Variants in ATP10A observed in about 807,000 individuals in gnomAD.
ATP10A encodes the protein ATPase phospholipid transporting 10A (putative), also known as phospholipid-transporting ATPase VA.
In ATP10A, 111 loss-of-function variants were observed where a neutral mutation model predicts 147.8. The ratio of observed to expected loss-of-function variants is 0.75; its 90% CI spans 0.64 to 0.88. The LOEUF (loss-of-function observed/expected upper bound fraction) is 0.88, where lower values mean the gene tolerates loss of function less well. ATP10A is among the 40% of genes least tolerant of loss of function. The pLI is 0.00. For synonymous variants in ATP10A, 875 were observed against 841.6 expected (o/e 1.04, Z -0.69); for missense variants, 1,927 against 1,959.0 (o/e 0.98, Z 0.31).
intron 1 of ATP10A, among the ~76,000 whole-genome samples, chr15:25,845,747 C>G (rs981466117): frequency 6.6e-6 from 1 of 152,106 alleles, no homozygotes; most frequent in African/African-American, 2.4e-5. Context: ...TGGGAGGGTC[C>G]CCAGGGTGCA....
At chr15:25,677,472 T>C (rs1327029366), downstream of ATP10A, 3 of 152,066 alleles carry the variant, frequency 2.0e-5, no homozygotes, top group African/African-American at 7.2e-5. Context: ...GGAAAGAAGG[T>C]AGGTTGTCTG....
intron 2 of ATP10A, among the ~76,000 whole-genome samples, chr15:25,768,854 A>G (rs1379940344): frequency 3.3e-5 from 5 of 151,966 alleles, no homozygotes; most frequent in African/African-American, 1.2e-4. Flanking sequence ...TACTGGTGTA[A>G]AACAAGTCTG....
rs138765424 is a variant in ATP10A at position 25,684,488 on chromosome 15, G to A, written c.3292-1002C>T. The stretch of plus-strand genomic sequence containing the variant: ...AGTCCCTGGAGAGCTATAGGTGATC[G>A]CCTACGGTGTATGGTGGTGAGTGGT... On this transcript the variant is annotated intron_variant, in intron 16 of 20. Transcript: ENST00000555815. 3.9e-3 allele frequency among the ~76,000 whole-genome samples: 589 copies of A among 152,312 alleles called. 2 individuals carry two copies. Among genetic ancestry groups the A allele is most frequent in the African/African-American group, 0.013 (553 of 41,568 alleles).
At chr15:25,727,695 G>A (rs1203663254) in intron 3 of ATP10A, among the ~76,000 whole-genome samples, 1 of 152,226 alleles carries the variant, frequency 6.6e-6, no homozygotes, top group African/African-American at 2.4e-5. Context: ...TTCTACAAAA[G>A]GGGACGATAT....
intron 15 of ATP10A, among the ~76,000 whole-genome samples, chr15:25,689,224 A>G (rs1899873365): frequency 6.6e-6 from 1 of 152,212 alleles, no homozygotes; most frequent in South Asian, 2.1e-4. Flanking sequence ...TGGCCTTTCC[A>G]AAGCCTCCCA....
At chr15:25,733,967 A>C (rs1887113534) in intron 3 of ATP10A, among the ~76,000 whole-genome samples, 1 of 152,088 alleles carries the variant, frequency 6.6e-6, no homozygotes, top group Admixed American at 6.5e-5. Flanking sequence ...GATGACACCC[A>C]CTCAAGAGGC....
At chr15:25,853,187 T>C (rs933311359) in intron 1 of ATP10A, among the ~76,000 whole-genome samples, 9 of 152,156 alleles carry the variant, frequency 5.9e-5, no homozygotes, top group African/African-American at 1.9e-4. Flanking sequence ...CAAGTAAACA[T>C]AGAAAGTCAG....
At chr15:25,823,784 A>G (rs1891991447) in intron 1 of ATP10A, among the ~76,000 whole-genome samples, 1 of 152,250 alleles carries the variant, frequency 6.6e-6, no homozygotes, top group African/African-American at 2.4e-5. Flanking sequence ...CCATGTAGTA[A>G]TAAGCAAACT....
rs114009837 is a variant in ATP10A at position 25,719,423 on chromosome 15, C to T, written c.1364-1024G>A. Among the ~76,000 whole-genome samples the T allele has an allele frequency of 4.1e-3, 619 of 152,260 alleles. 7 individuals carry two copies. The highest frequency in any genetic ancestry group is 0.014 in the African/African-American group (596 of 41,538). The stretch of plus-strand genomic sequence containing the variant: ...ATCCTAATTCCAGGAGCAGATGCCC[C>T]GCAAATGCCTCCCCAGCTCTCGGGT... On this transcript the variant is annotated intron_variant, in intron 7 of 20. Coordinates refer to ENST00000555815, the MANE Select transcript of ATP10A (RefSeq NM_024490.4).
intron 2 of ATP10A, among the ~76,000 whole-genome samples, chr15:25,761,679 T>TG: frequency 6.6e-6 from 1 of 152,360 alleles, no homozygotes; most frequent in East Asian, 1.9e-4. Flanking sequence ...ATTTTGGACT[T>TG]GCATGGGGCC....
intron 2 of ATP10A, among the ~76,000 whole-genome samples, chr15:25,748,195 C>T (rs1003503281): frequency 7.2e-5 from 11 of 152,130 alleles, no homozygotes; most frequent in African/African-American, 2.7e-4. Context: ...ATCTCCTGAC[C>T]TCGTGATCTG....
intron 1 of ATP10A, among the ~76,000 whole-genome samples, chr15:25,789,913 T>C (rs1372713878): frequency 6.6e-6 from 1 of 152,150 alleles, no homozygotes. Context: ...AAATGCCTCC[T>C]GGGGGTGCAA....
At chr15:25,770,161 G>T (rs1889259174) in intron 2 of ATP10A, among the ~76,000 whole-genome samples, 1 of 151,064 alleles carries the variant, frequency 6.6e-6, no homozygotes, top group African/African-American at 2.5e-5. Context: ...GGGCGAGGTG[G>T]GGAGGGGCCC....
intron 2 of ATP10A, chr15:25,738,590 C>T (rs943140981): frequency 6.6e-6 from 1 of 152,110 alleles, no homozygotes; most frequent in Admixed American, 6.5e-5. Flanking sequence ...ATGGGAGACA[C>T]AATTTAAACA....
In ATP10A at chr15:25,773,818, C is replaced by CCACACACACA. The variant is rs56751876; in HGVS notation, c.654+7191_654+7200dup. Reference sequence around the variant, plus strand: ...CACACAAACATACACACCTAAACATCCACACACACACACACACACACACAC... The same window carrying CCACACACACA: ...CACACAAACATACACACCTAAACATCCACACACACACACACACACACACACACACACACAC... On this transcript the variant is annotated intron_variant, in intron 2 of 20. Coordinates refer to ENST00000555815, the MANE Select transcript of ATP10A (RefSeq NM_024490.4). 7.3e-5 allele frequency among the ~76,000 whole-genome samples: 10 copies of CCACACACACA among 137,906 alleles called. No individual in the cohort carries two copies. The East Asian group carries it at 1.8e-3, about 25-fold the overall frequency. 90.5% of individuals were successfully genotyped at this position (137,906 alleles called of 152,430 possible).
At chr15:25,787,618 A>AG (rs1890229348) in intron 1 of ATP10A, among the ~76,000 whole-genome samples, 1 of 128,654 alleles carries the variant, frequency 7.8e-6, no homozygotes, top group Admixed American at 7.8e-5. Context: ...TCTTAAAAAA[A>AG]AAAAAAAAAA....
At chr15:25,804,994 G>A (rs936771258) in intron 1 of ATP10A, among the ~76,000 whole-genome samples, 1 of 152,208 alleles carries the variant, frequency 6.6e-6, no homozygotes, top group African/African-American at 2.4e-5. Context: ...CGGGTGTGGA[G>A]GAAAAGGAAA....
Position 25,786,866 on chromosome 15 carries a change from A to T in ATP10A, c.450-5643T>A, listed in dbSNP as rs1375982735. On this transcript the variant is annotated intron_variant, in intron 1 of 20. Transcript: ENST00000555815. Reference sequence around the variant, plus strand: ...TAGCCAGGATGGTCTCAATCTCCTGACCTCATGATCTGCCCGTCTCGGCCT... The same window carrying T: ...TAGCCAGGATGGTCTCAATCTCCTGTCCTCATGATCTGCCCGTCTCGGCCT... Among the ~76,000 whole-genome samples, 4 of 149,078 alleles carry T rather than the reference A, an allele frequency of 2.7e-5. No homozygotes were observed. The Admixed American group carries it at 2.7e-4, about 10-fold the overall frequency.
intron 16 of ATP10A, among the ~76,000 whole-genome samples, chr15:25,685,648 T>C (rs1479098228): frequency 1.3e-5 from 2 of 151,876 alleles, no homozygotes; most frequent in African/African-American, 2.4e-5. Context: ...CTGGGCAACA[T>C]AGCGACACCC....
Sources: allele counts gnomAD v4.1 joint callset (sites outside exome capture counted in the v4.1 genomes callset), GRCh38; gene constraint gnomAD v4.1.1; transcripts MANE v1.5; gene names NCBI Gene and HGNC (gene_info 2026-07-23, HGNC 2026-07-21).